Variants in VWA3B observed in about 807,000 individuals in gnomAD.
VWA3B encodes von Willebrand factor A domain containing 3B, also known as von Willebrand factor A domain-containing protein 3B.
A neutral mutation model predicts 158.3 loss-of-function variants in VWA3B; 138 were observed. The ratio of observed to expected loss-of-function variants is 0.87; its 90% confidence interval spans 0.76 to 1.00. The LOEUF is 1.00. Ranked by LOEUF, VWA3B falls within the 50% of genes least tolerant of loss-of-function variation. The probability of loss-of-function intolerance (pLI) is 0.00; values close to 1 mark genes in which losing one functional copy is unlikely to be tolerated. For synonymous variants in VWA3B, 596 were observed against 587.3 expected (o/e 1.01, Z -0.21); for missense variants, 1,555 against 1,565.1 (o/e 0.99, Z 0.11).
intron 22 of VWA3B, among the ~76,000 whole-genome samples, chr2:98,290,281 C>A (rs1689408767): frequency 6.6e-6 from 1 of 152,116 alleles, no homozygotes. Context: ...ACAACCAGAT[C>A]TTTTGATAAC....
intron 17 of VWA3B, among the ~76,000 whole-genome samples, chr2:98,235,479 G>A (rs897256461): frequency 6.6e-6 from 1 of 151,250 alleles, no homozygotes; most frequent in Admixed American, 6.6e-5. Flanking sequence ...AGGCTGGAGT[G>A]CAGTGGCGTG....
At position 98,217,704 on chromosome 2, in the gene VWA3B, G is replaced by A. The variant is rs140842083; in HGVS notation, c.1837-142G>A. On this transcript the variant is annotated intron_variant, in intron 13 of 27. Transcript: ENST00000477737. ...TTTTCTTTATTTACTGAATTGAATC[G>A]ACATGTTTTTAAGAAGCCACTCACC... is the stretch of plus-strand genomic sequence containing the variant. 44 of 651,188 alleles carry A rather than the reference G, an allele frequency of 6.8e-5. 1 individual carries two copies. In the African/African-American group the frequency reaches 7.8e-4, roughly 12 times the overall value. The allele number at this position is 651,188 out of a possible 1,614,324, so 40.3% of individuals were successfully genotyped here.
At chr2:98,167,850 G>C (rs930540175) in intron 8 of VWA3B, among the ~76,000 whole-genome samples, 2 of 152,150 alleles carry the variant, frequency 1.3e-5, no homozygotes, top group African/African-American at 4.8e-5. Flanking sequence ...TGGGTCCCTG[G>C]GTAGACTACT....
intron 1 of VWA3B, among the ~76,000 whole-genome samples, chr2:98,090,037 CT>C (rs1190989978): frequency 1.3e-5 from 2 of 152,110 alleles, no homozygotes; most frequent in African/African-American, 4.8e-5. Flanking sequence ...AAAGTGCTCC[CT>C]TTTAAACCTA....
intron 1 of VWA3B, among the ~76,000 whole-genome samples, chr2:98,092,218 T>G (rs1012724251): frequency 3.3e-5 from 5 of 152,346 alleles, no homozygotes; most frequent in Admixed American, 6.5e-5. Context: ...TGTCAGAGTT[T>G]TATCCTTCTC....
intron 12 of VWA3B, 134 bp from the exon 13 acceptor site, chr2:98,211,796 A>C: frequency 1.4e-6 from 1 of 731,542 alleles, no homozygotes; most frequent in Non-Finnish European, 2.2e-6. Flanking sequence ...GGGTTAAACT[A>C]TTATCTCAAT....
At chr2:98,304,158 G>A (rs1553441183) in intron 26 of VWA3B, among the ~76,000 whole-genome samples, 4 of 152,216 alleles carry the variant, frequency 2.6e-5, no homozygotes, top group Non-Finnish European at 5.9e-5. Flanking sequence ...GGAGGTGGGA[G>A]CAAGGGGCTG....
At chr2:98,190,957 T>C (rs1181605245) in intron 10 of VWA3B, among the ~76,000 whole-genome samples, 1 of 152,140 alleles carries the variant, frequency 6.6e-6, no homozygotes, top group Non-Finnish European at 1.5e-5. Context: ...CTCTTCTCCT[T>C]CTTCTACTTT....
At chr2:98,134,181 C>G (rs1195716720) in intron 7 of VWA3B, among the ~76,000 whole-genome samples, 1 of 152,208 alleles carries the variant, frequency 6.6e-6, no homozygotes, top group East Asian at 1.9e-4. Flanking sequence ...TGAGAACCTG[C>G]TGGAGATGTG....
chr2:98,142,646 G>A lies in VWA3B; in HGVS notation c.988+8707G>A, dbSNP rs531832684. On this transcript the variant is annotated intron_variant, in intron 7 of 27. Coordinates refer to ENST00000477737, the MANE Select transcript of VWA3B (RefSeq NM_144992.5). The stretch of plus-strand genomic sequence containing the variant: ...ATATGATCCATCCATGTGCATAAAT[G>A]TGACCTTCTGTAAGTGCCAGAGGCA... Among the ~76,000 whole-genome samples the A allele has an allele frequency of 1.3e-4, 20 of 152,218 alleles. 1 individual carries two copies. The highest frequency in any genetic ancestry group is 2.1e-4 in the Non-Finnish European group (14 of 68,032).
intron 12 of VWA3B, among the ~76,000 whole-genome samples, chr2:98,199,073 C>T (rs528163239): frequency 1.0e-3 from 136 of 132,750 alleles, no homozygotes; most frequent in African/African-American, 3.5e-3. Context: ...GGCGACAGCG[C>T]GAGACTCCGT....
intron 20 of VWA3B, among the ~76,000 whole-genome samples, chr2:98,252,994 G>A (rs1356776646): frequency 1.3e-5 from 2 of 151,948 alleles, no homozygotes; most frequent in African/African-American, 2.4e-5. Context: ...TGATTGAATT[G>A]TTATTATTTG....
downstream of VWA3B, among the ~76,000 whole-genome samples, chr2:98,317,771 C>T (rs950655746): frequency 1.3e-5 from 2 of 152,190 alleles, no homozygotes; most frequent in South Asian, 2.1e-4. Context: ...TGAACCCTGA[C>T]CACCTTAGGC....
chr2:98,215,286 CA>C (rs961909587), intron 13 of VWA3B, among the ~76,000 whole-genome samples: 2 of 151,364 alleles, frequency 1.3e-5, no homozygotes, highest in African/African-American at 4.9e-5. Context: ...ACTAAAAATA[CA>C]AAAATTAGCT....
intron 14 of VWA3B, among the ~76,000 whole-genome samples, chr2:98,218,979 C>G (rs1235297135): frequency 2.6e-5 from 4 of 152,146 alleles, no homozygotes; most frequent in African/African-American, 9.7e-5. Flanking sequence ...TCTGCTTCCA[C>G]CTAGGAAATC....
intron 8 of VWA3B, among the ~76,000 whole-genome samples, chr2:98,171,257 G>A (rs1165597285): frequency 6.6e-6 from 1 of 152,164 alleles, no homozygotes; most frequent in Non-Finnish European, 1.5e-5. Flanking sequence ...CTCTTGCTCC[G>A]TGAAGGTAGA....
the VWA3B span, among the ~76,000 whole-genome samples, chr2:98,329,365 C>T: frequency 6.6e-6 from 1 of 151,912 alleles, no homozygotes; most frequent in African/African-American, 2.4e-5. Flanking sequence ...AACTTCTACT[C>T]AAAAAAAGAT....
intron 26 of VWA3B, among the ~76,000 whole-genome samples, chr2:98,305,789 T>G (rs1387905850): frequency 6.6e-6 from 1 of 152,048 alleles, no homozygotes; most frequent in Non-Finnish European, 1.5e-5. Context: ...TCTCATGTCC[T>G]CCAGCCTCCT....
At chr2:98,282,881 G>A (rs987446707) in intron 22 of VWA3B, among the ~76,000 whole-genome samples, 8 of 152,208 alleles carry the variant, frequency 5.3e-5, no homozygotes, top group Non-Finnish European at 1.0e-4. Flanking sequence ...GCAGTGCTAA[G>A]AATGAATGCC....
Sources: gnomAD v4.1 joint callset for allele counts (sites outside exome capture counted in the v4.1 genomes callset) on GRCh38, gnomAD v4.1.1 for gene constraint, MANE v1.5 for transcripts, NCBI Gene and HGNC (gene_info 2026-07-23, HGNC 2026-07-21) for gene names.